IMMP2L: variants seen among roughly 807,000 people sequenced by gnomAD.
The protein encoded by IMMP2L is mitochondrial inner membrane protease subunit 2.
A neutral mutation model predicts 19.3 loss-of-function variants in IMMP2L; 18 were observed. That is an observed-to-expected ratio of 0.93 (90% CI 0.64 to 1.38). IMMP2L has a LOEUF of 1.38. Among genes scored for constraint, IMMP2L ranks in the 40% most tolerant of loss-of-function variants. The pLI is 0.00. For synonymous variants in IMMP2L, 76 were observed against 73.0 expected, an observed-to-expected ratio of 1.04 and a Z score of -0.21; for missense variants, 233 against 218.2, an observed-to-expected ratio of 1.07 and a Z score of -0.43.
intron 3 of IMMP2L, among the ~76,000 whole-genome samples, chr7:110,980,227 C>CT (rs1218434499): frequency 0.14 from 13,152 of 91,508 alleles, 2,142 homozygotes; most frequent in African/African-American, 0.36. Flanking sequence ...TGTGCTGCTT[C>CT]TTTTTTTTTT....
chr7:111,530,037 G>C (rs1847243813), intron 1 of IMMP2L, among the ~76,000 whole-genome samples: 1 of 152,112 alleles, frequency 6.6e-6, no homozygotes, highest in Non-Finnish European at 1.5e-5. Context: ...TCCTATCCAA[G>C]GTGCTCTTCA....
chr7:111,296,542 G>A (rs1821659141), intron 3 of IMMP2L, among the ~76,000 whole-genome samples: 1 of 151,754 alleles, frequency 6.6e-6, no homozygotes, highest in Non-Finnish European at 1.5e-5. Flanking sequence ...AGGATATGAA[G>A]AAATTATATA....
chr7:111,465,516 A>T lies in IMMP2L; in HGVS notation c.239+21722T>A, dbSNP rs184117565. ...CAGGTGTCACTAAAAAAAAAAAAAA[A>T]AAAAAAAAATTAAAAATTAAAAGAA... On this transcript the variant is annotated intron_variant, in intron 3 of 5. Transcript: ENST00000405709. 3.2e-3 allele frequency among the ~76,000 whole-genome samples: 486 copies of T among 151,432 alleles called. 2 individuals carry two copies. Among genetic ancestry groups the T allele is most frequent in the Admixed American group, 5.4e-3 (83 of 15,234 alleles).
At chr7:110,751,335 ACATACTTAATATTTGGCT>A (rs1304510543) in intron 5 of IMMP2L, among the ~76,000 whole-genome samples, 6 of 152,172 alleles carry the variant, frequency 3.9e-5, no homozygotes, top group Admixed American at 2.0e-4. Flanking sequence ...TCCTTTAGAA[ACATACTTAATATTTGGCT>A]AACCTCCTGT....
intron 5 of IMMP2L, among the ~76,000 whole-genome samples, chr7:110,695,052 G>A (rs890434596): frequency 1.3e-5 from 2 of 152,114 alleles, no homozygotes. Flanking sequence ...ATTGCCAGGG[G>A]GTGTGAGGAT....
chr7:111,472,660 A>G (rs1207192138), intron 3 of IMMP2L, among the ~76,000 whole-genome samples: 1 of 152,234 alleles, frequency 6.6e-6, no homozygotes, highest in African/African-American at 2.4e-5. Context: ...TTAAAAAATT[A>G]GTCTTTTCAT....
chr7:110,793,174 CT>C (rs1425168976), intron 5 of IMMP2L, among the ~76,000 whole-genome samples: 1 of 152,062 alleles, frequency 6.6e-6, no homozygotes, highest in Non-Finnish European at 1.5e-5. Flanking sequence ...AATCCCAGCA[CT>C]TTGGGAGGCC....
chr7:111,140,526 T>C (rs1377909947), intron 3 of IMMP2L, among the ~76,000 whole-genome samples: 1 of 152,182 alleles, frequency 6.6e-6, no homozygotes, highest in East Asian at 1.9e-4. Context: ...TTTACTATCA[T>C]ATTCACTGTT....
chr7:111,379,228 C>T (rs1260895737), intron 3 of IMMP2L, among the ~76,000 whole-genome samples: 1 of 146,720 alleles, frequency 6.8e-6, no homozygotes, highest in Admixed American at 6.8e-5. Flanking sequence ...AAAAAAAAGT[C>T]CTATTAAAGA....
At chr7:110,874,793 T>G (rs191544582) in intron 5 of IMMP2L, among the ~76,000 whole-genome samples, 1 of 152,158 alleles carries the variant, frequency 6.6e-6, no homozygotes, top group African/African-American at 2.4e-5. Context: ...TAATTTATAA[T>G]AAAAAATATA....
chr7:111,190,048 T>C lies in IMMP2L; in HGVS notation c.240-226483A>G, dbSNP rs1047859610. On this transcript the variant is annotated intron_variant, in intron 3 of 5. Transcript: ENST00000405709. ...ATTAACATGGCCAGTTGACAGTATATAAAAATAAATAATGAAACAAAAATT... is the reference window on the plus strand; with the variant it reads ...ATTAACATGGCCAGTTGACAGTATACAAAAATAAATAATGAAACAAAAATT... 3.6e-4 allele frequency among the ~76,000 whole-genome samples: 55 copies of C among 152,176 alleles called. 2 individuals are homozygous for C. Among genetic ancestry groups the C allele is most frequent in the Admixed American group, 6.5e-5 (1 of 15,270 alleles).
intron 3 of IMMP2L, among the ~76,000 whole-genome samples, chr7:111,398,895 A>AC (rs1833148507): frequency 1.3e-5 from 2 of 151,938 alleles, no homozygotes; most frequent in Admixed American, 1.3e-4. Context: ...AAAAAAAAAA[A>AC]AAATACTTAG....
At chr7:111,393,644 C>T (rs1291665434) in intron 3 of IMMP2L, among the ~76,000 whole-genome samples, 1 of 152,128 alleles carries the variant, frequency 6.6e-6, no homozygotes, top group Non-Finnish European at 1.5e-5. Flanking sequence ...CCCCAAGGAA[C>T]AACGTATTTA....
At chr7:111,451,453 A>G (rs1839162248) in intron 3 of IMMP2L, among the ~76,000 whole-genome samples, 1 of 149,206 alleles carries the variant, frequency 6.7e-6, no homozygotes, top group African/African-American at 2.5e-5. Context: ...TCAGTAAACT[A>G]TCGCAAGAAC....
intron 4 of IMMP2L, among the ~76,000 whole-genome samples, chr7:110,928,546 C>T (rs533360852): frequency 6.7e-6 from 1 of 149,210 alleles, no homozygotes; most frequent in East Asian, 2.0e-4. Flanking sequence ...AATAACAGAA[C>T]CTCACAGAGA....
At chr7:111,515,571 G>A (rs1845807788) in intron 2 of IMMP2L, among the ~76,000 whole-genome samples, 1 of 152,028 alleles carries the variant, frequency 6.6e-6, no homozygotes, top group African/African-American at 2.4e-5. Context: ...CCCCCTTATT[G>A]TGGTCTCTGA....
chr7:110,814,996 A>C (rs965039338), intron 5 of IMMP2L, among the ~76,000 whole-genome samples: 20 of 152,010 alleles, frequency 1.3e-4, no homozygotes, highest in African/African-American at 4.6e-4. Flanking sequence ...ACCACACTGA[A>C]CTACAACGTC....
At chr7:111,402,572 G>A (rs1049124292) in intron 3 of IMMP2L, among the ~76,000 whole-genome samples, 12 of 151,876 alleles carry the variant, frequency 7.9e-5, no homozygotes, top group African/African-American at 1.9e-4. Context: ...TTAGCCAGGC[G>A]CAGTAGCATG....
chr7:111,285,988 G>T (rs889774833), intron 3 of IMMP2L, among the ~76,000 whole-genome samples: 1 of 152,050 alleles, frequency 6.6e-6, no homozygotes, highest in African/African-American at 2.4e-5. Flanking sequence ...AAGGAAGAAG[G>T]TTCAATCAAA....
Sources: gnomAD v4.1 joint callset for allele counts (sites outside exome capture counted in the v4.1 genomes callset) on GRCh38, gnomAD v4.1.1 for gene constraint, MANE v1.5 for transcripts, NCBI Gene and HGNC (gene_info 2026-07-23, HGNC 2026-07-21) for gene names.